TMEM178A: variants seen among roughly 807,000 people sequenced by gnomAD.
TMEM178A encodes transmembrane protein 178A.
A neutral mutation model predicts 29.1 loss-of-function variants in TMEM178A; 12 were observed. That is an observed-to-expected ratio of 0.41 (90% CI 0.26 to 0.67). The LOEUF is 0.67. TMEM178A is among the 30% of genes least tolerant of loss of function. The pLI is 0.29. For missense variants in TMEM178A, 366 were observed against 419.1 expected, an observed-to-expected ratio of 0.87 and a Z score of 1.11; for synonymous variants, 210 against 187.2, an observed-to-expected ratio of 1.12 and a Z score of -0.99.
chr2:39,723,282 G>A, the TMEM178A span, among the ~76,000 whole-genome samples: 1 of 152,112 alleles, frequency 6.6e-6, no homozygotes, highest in South Asian at 2.1e-4. Context: ...TTATCATATT[G>A]CTTAAATCTG....
intron 1 of TMEM178A, among the ~76,000 whole-genome samples, chr2:39,698,670 A>G (rs1004432407): frequency 2.0e-5 from 3 of 150,660 alleles, no homozygotes; most frequent in Non-Finnish European, 4.4e-5. Context: ...GCCTCATAGA[A>G]AGAAGTAGGA....
chr2:39,692,083 C>A (rs1671338664), intron 1 of TMEM178A, among the ~76,000 whole-genome samples: 1 of 152,064 alleles, frequency 6.6e-6, no homozygotes, highest in Non-Finnish European at 1.5e-5. Flanking sequence ...ACTGCATGAT[C>A]TCACTTATAT....
intron 1 of TMEM178A, among the ~76,000 whole-genome samples, chr2:39,676,601 A>C (rs72803165): frequency 8.0e-4 from 122 of 152,282 alleles, no homozygotes; most frequent in Middle Eastern, 6.8e-3. Flanking sequence ...ATTTTCTTAG[A>C]CCAATCAAGC....
At chr2:39,721,814 G>A (rs1290144724), downstream of TMEM178A, among the ~76,000 whole-genome samples, 1 of 151,776 alleles carries the variant, frequency 6.6e-6, no homozygotes, top group Non-Finnish European at 1.5e-5. Flanking sequence ...GGCAAATAGA[G>A]CCTGTCTCTA....
intron 1 of TMEM178A, among the ~76,000 whole-genome samples, chr2:39,679,513 G>T (rs1031622438): frequency 6.6e-6 from 1 of 151,912 alleles, no homozygotes; most frequent in African/African-American, 2.4e-5. Context: ...TCTTTATGGA[G>T]ATTTTCCTCA....
rs373389562 is a variant in TMEM178A, at chr2:39,665,992, C to T, written c.18C>T (p.Leu6=). Residue 6 remains leucine (L), a synonymous_variant, in exon 1 of 4, where the codon CTC becomes CTT. Transcript: ENST00000281961. Reference sequence around the variant, plus strand: ...GGGAAGCCATGGAGCCGCGGGCGCTCGTCACGGCGCTCAGCCTCGGCCTCA... The same window carrying T: ...GGGAAGCCATGGAGCCGCGGGCGCTTGTCACGGCGCTCAGCCTCGGCCTCA... MEPRA[L]VTALSLGLSL... 4.9e-6 allele frequency: 7 copies of T among 1,421,768 alleles called. No homozygotes were observed. The highest frequency in any genetic ancestry group is 3.0e-5 in the Admixed American group (1 of 33,640). 88.1% of individuals were successfully genotyped at this position (1,421,768 alleles called of 1,614,324 possible).
chr2:39,701,228 C>G (rs1156560536), intron 1 of TMEM178A, among the ~76,000 whole-genome samples: 1 of 151,940 alleles, frequency 6.6e-6, no homozygotes. Context: ...ATTTTTAGGC[C>G]AGGTCTGCTA....
chr2:39,688,260 C>G (rs1171333676), intron 1 of TMEM178A, among the ~76,000 whole-genome samples: 1 of 152,236 alleles, frequency 6.6e-6, no homozygotes, highest in East Asian at 1.9e-4. Context: ...GCAGGATTAT[C>G]ATTTTCCTAG....
chr2:39,666,607 T>A (rs1444452401), intron 1 of TMEM178A, among the ~76,000 whole-genome samples: 2 of 152,108 alleles, frequency 1.3e-5, no homozygotes, highest in Non-Finnish European at 2.9e-5. Flanking sequence ...GCGCGTCCTT[T>A]CAAGTCCGTG....
At position 39,666,018 on chromosome 2, in the gene TMEM178A, G is replaced by T. The variant is rs1319284717; in HGVS notation, c.44G>T (p.Ser15Ile). 2.0e-6 allele frequency: 3 copies of T among 1,538,294 alleles called. No homozygotes were observed. Among genetic ancestry groups the T allele is most frequent in the Non-Finnish European group, 2.6e-6 (3 of 1,146,034 alleles). ...ALVTALSLGL[S>I]LCSLGLLVTA... is the part of the protein sequence containing the mutation. ...GTCACGGCGCTCAGCCTCGGCCTCAGCCTGTGCTCCCTGGGGCTGCTCGTC... is the reference window on the plus strand; with the variant it reads ...GTCACGGCGCTCAGCCTCGGCCTCATCCTGTGCTCCCTGGGGCTGCTCGTC... The change falls in exon 1 of 4, where the codon AGC becomes ATC. Residue 15 changes from serine to isoleucine, a missense_variant. Ser to Ile is a moderately radical substitution (Grantham distance 142). Transcript: ENST00000281961.
intron 1 of TMEM178A, among the ~76,000 whole-genome samples, chr2:39,688,761 T>A (rs1671188755): frequency 6.6e-6 from 1 of 152,238 alleles, no homozygotes; most frequent in South Asian, 2.1e-4. Flanking sequence ...TTGATTTCAA[T>A]TATCTGTAAA....
intron 1 of TMEM178A, among the ~76,000 whole-genome samples, chr2:39,702,202 T>G (rs755139669): frequency 2.6e-5 from 4 of 152,204 alleles, no homozygotes; most frequent in Non-Finnish European, 5.9e-5. Flanking sequence ...TTTTTATTGT[T>G]GTTGCTGTTG....
the TMEM178A span, among the ~76,000 whole-genome samples, chr2:39,733,110 T>C: frequency 6.6e-6 from 1 of 152,178 alleles, no homozygotes; most frequent in African/African-American, 2.4e-5. Flanking sequence ...ACTCAGACAC[T>C]GGGTAAGTTA....
rs552282407 is a variant in TMEM178A at position 39,688,469 on chromosome 2, C to T, written c.401-15612C>T. ...CACTAATGGCTTTGGGATTTGGCTT[C>T]TTCCTACCATGAGGCTCTTGCCACT... On this transcript the variant is annotated intron_variant, in intron 1 of 3. Coordinates refer to ENST00000281961, the MANE Select transcript of TMEM178A (RefSeq NM_152390.3). Among the ~76,000 whole-genome samples, 20 of 152,348 alleles carry T rather than the reference C, an allele frequency of 1.3e-4. 1 individual carries two copies. In the South Asian group the frequency reaches 4.1e-3, roughly 32 times the overall value.
intron 3 of TMEM178A, among the ~76,000 whole-genome samples, chr2:39,708,712 C>A (rs559090788): frequency 6.6e-6 from 1 of 152,036 alleles, no homozygotes; most frequent in Non-Finnish European, 1.5e-5. Flanking sequence ...CCACCGCGCC[C>A]GGCCGATTTT....
chr2:39,671,978 G>A (rs1003277608), intron 1 of TMEM178A, among the ~76,000 whole-genome samples: 5 of 152,180 alleles, frequency 3.3e-5, no homozygotes, highest in Non-Finnish European at 7.4e-5. Context: ...TCTGACATTA[G>A]GCACAGTATT....
intron 2 of TMEM178A, among the ~76,000 whole-genome samples, chr2:39,705,719 G>A (rs1671999499): frequency 1.3e-5 from 2 of 152,152 alleles, no homozygotes; most frequent in African/African-American, 2.4e-5. Context: ...CCTCCATGAA[G>A]CCGCCCCTAA....
chr2:39,693,575 A>C (rs913937121), intron 1 of TMEM178A, among the ~76,000 whole-genome samples: 5 of 152,204 alleles, frequency 3.3e-5, no homozygotes, highest in Non-Finnish European at 5.9e-5. Context: ...TTGGAGAGAA[A>C]AGAATAGTGT....
chr2:39,719,968 C>T (rs1044822586), downstream of TMEM178A, among the ~76,000 whole-genome samples: 1 of 151,956 alleles, frequency 6.6e-6, no homozygotes, highest in Non-Finnish European at 1.5e-5. Context: ...ATTAATGAAG[C>T]AAAACAGACA....
Sources: allele counts gnomAD v4.1 joint callset (sites outside exome capture counted in the v4.1 genomes callset), GRCh38; gene constraint gnomAD v4.1.1; transcripts MANE v1.5; gene names NCBI Gene and HGNC (gene_info 2026-07-23, HGNC 2026-07-21).